PEAK1: variants seen among roughly 807,000 people sequenced by gnomAD.
PEAK1 encodes pseudopodium enriched atypical kinase 1.
PEAK1 carries 54 observed loss-of-function variants against 124.7 expected under a neutral mutation model. The ratio of observed to expected loss-of-function variants is 0.43; its 90% CI spans 0.35 to 0.54. PEAK1 has a LOEUF of 0.54. Among genes scored for constraint, PEAK1 ranks in the 20% least tolerant of loss-of-function variants. The pLI is 0.01. For missense variants in PEAK1, 2,046 were observed against 2,134.5 expected (o/e 0.96, Z 0.82); for synonymous variants, 719 against 760.0 (o/e 0.95, Z 0.89).
chr15:77,225,666 T>TTTTATATATA (rs1555448932), intron 6 of PEAK1, among the ~76,000 whole-genome samples: 12 of 87,984 alleles, frequency 1.4e-4, no homozygotes, highest in African/African-American at 3.9e-4. Context: ...TGTGTATAAT[T>TTTTATATATA]TATATATATA....
intron 2 of PEAK1, among the ~76,000 whole-genome samples, chr15:77,307,708 T>C (rs533525351): frequency 6.6e-6 from 1 of 152,016 alleles, no homozygotes; most frequent in Non-Finnish European, 1.5e-5. Context: ...ATAGAGTAAA[T>C]TGGATTATGC....
In PEAK1 at chr15:77,141,355, C is replaced by T. The variant is rs137968688; in HGVS notation, c.3332-7605G>A. ...TAACAAAACTAGTGTAAGACTTGTACTTTGAAAACTATAAAACATCGCTGA... is the reference window on the plus strand; with the variant it reads ...TAACAAAACTAGTGTAAGACTTGTATTTTGAAAACTATAAAACATCGCTGA... On this transcript the variant is annotated intron_variant, in intron 8 of 9. Coordinates refer to ENST00000682557, the MANE Select transcript of PEAK1 (RefSeq NM_001385026.1). Among the ~76,000 whole-genome samples, 30 of 152,240 alleles carry T rather than the reference C, an allele frequency of 2.0e-4. 1 individual carries two copies. The highest frequency in any genetic ancestry group is 7.2e-4 in the African/African-American group (30 of 41,546).
At chr15:77,246,348 C>T (rs949876074) in intron 6 of PEAK1, among the ~76,000 whole-genome samples, 14 of 151,156 alleles carry the variant, frequency 9.3e-5, no homozygotes, top group Non-Finnish European at 1.8e-4. Flanking sequence ...ATCTATAGAA[C>T]AATTTGAGAG....
At chr15:77,336,279 C>G in intron 2 of PEAK1, 3 of 985,392 alleles carry the variant, frequency 3.0e-6, no homozygotes, top group Non-Finnish European at 3.6e-6. Context: ...TCTTGCAGAA[C>G]TAAACTGTCC....
At chr15:77,144,899 T>C (rs1231382190) in intron 8 of PEAK1, among the ~76,000 whole-genome samples, 1 of 152,236 alleles carries the variant, frequency 6.6e-6, no homozygotes, top group African/African-American at 2.4e-5. Context: ...CTTTTAATCC[T>C]GTACATTCCT....
intron 6 of PEAK1, among the ~76,000 whole-genome samples, chr15:77,235,607 C>T (rs1266489596): frequency 6.6e-6 from 1 of 152,188 alleles, no homozygotes; most frequent in Non-Finnish European, 1.5e-5. Flanking sequence ...ATAGGAAAGA[C>T]AAACCCATTT....
intron 2 of PEAK1, chr15:77,335,356 A>T: frequency 1.0e-6 from 1 of 985,354 alleles, no homozygotes; most frequent in Non-Finnish European, 1.2e-6. Context: ...TGTTTTTCCC[A>T]TTCATCTATG....
chr15:77,291,512 C>A (rs573674651), intron 2 of PEAK1, among the ~76,000 whole-genome samples: 1 of 152,248 alleles, frequency 6.6e-6, no homozygotes, highest in Non-Finnish European at 1.5e-5. Context: ...TGCTGACAAC[C>A]ACATTATGCT....
intron 2 of PEAK1, among the ~76,000 whole-genome samples, chr15:77,296,757 G>A (rs1041726211): frequency 1.3e-5 from 2 of 151,712 alleles, no homozygotes; most frequent in African/African-American, 4.9e-5. Flanking sequence ...CTATGATCTA[G>A]GATTGTTCTT....
At chr15:77,196,309 G>C (rs2058100338) in intron 6 of PEAK1, among the ~76,000 whole-genome samples, 2 of 152,148 alleles carry the variant, frequency 1.3e-5, no homozygotes, top group African/African-American at 4.8e-5. Flanking sequence ...TGGAGAGAAA[G>C]GTATATAATA....
At chr15:77,394,367 C>G (rs944340584) in intron 1 of PEAK1, among the ~76,000 whole-genome samples, 22 of 152,232 alleles carry the variant, frequency 1.4e-4, no homozygotes, top group African/African-American at 4.3e-4. Context: ...AGCACAGTCC[C>G]AGTAATGGTG....
chr15:77,130,255 G>T (rs1387881944), intron 9 of PEAK1, among the ~76,000 whole-genome samples: 1 of 152,110 alleles, frequency 6.6e-6, no homozygotes, highest in Non-Finnish European at 1.5e-5. Flanking sequence ...TCCTGCATTG[G>T]TGATTTTGCA....
intron 6 of PEAK1, among the ~76,000 whole-genome samples, chr15:77,205,424 T>C (rs576327204): frequency 6.6e-6 from 1 of 152,306 alleles, no homozygotes; most frequent in African/African-American, 2.4e-5. Flanking sequence ...TATAGTTATA[T>C]CCTATAATAC....
At chr15:77,273,840 A>G (rs1022666218) in intron 5 of PEAK1, among the ~76,000 whole-genome samples, 3 of 152,178 alleles carry the variant, frequency 2.0e-5, no homozygotes, top group Non-Finnish European at 4.4e-5. Flanking sequence ...AAGCAAAAAG[A>G]ACAAATTTGG....
rs2050822803 is a variant in PEAK1 at position 77,108,797 on chromosome 15, A to C, written c.*5359T>G. ...TTCCCTGAAACTTTCTTGATTTAAA[A>C]AACAAAACCAAACCAAACCAAACCA... On this transcript the variant is annotated 3_prime_UTR_variant, in exon 10 of 10. Coordinates refer to ENST00000682557, the MANE Select transcript of PEAK1 (RefSeq NM_001385026.1). 2 of 152,156 alleles carry C rather than the reference A, an allele frequency of 1.3e-5. No individual in the cohort carries two copies. Among genetic ancestry groups the C allele is most frequent in the African/African-American group, 4.8e-5 (2 of 41,412 alleles). 9.4% of individuals were successfully genotyped at this position (152,156 alleles called of 1,614,324 possible).
rs759282215 is a variant in PEAK1, at chr15:77,180,027, C to T, written c.1900G>A (p.Ala634Thr). 9 of 1,613,908 alleles carry T rather than the reference C, an allele frequency of 5.6e-6. No homozygotes were observed. In the Admixed American group the frequency reaches 8.3e-5, roughly 15 times the overall value. The change falls in exon 7 of 10, where the codon GCA becomes ACA. Residue 634 changes from alanine (A) to threonine (T), a missense_variant. Physicochemically the swap from Ala to Thr is moderately conservative, Grantham distance 58 (BLOSUM62 0). Coordinates refer to ENST00000682557, the MANE Select transcript of PEAK1 (RefSeq NM_001385026.1). ...TTGTAGATAGCTAGATTGTCATATG[C>T]ATTTGGATTGATAACAATGGGAACT... ...IKVPIVINPNAYDNLAIYKSF... is the reference protein window; with the variant it reads ...IKVPIVINPNTYDNLAIYKSF...
rs376318332 is a variant in PEAK1, at chr15:77,331,773, G to A, written c.-603+33390C>T. Among the ~76,000 whole-genome samples, 81 of 151,446 alleles carry A rather than the reference G, an allele frequency of 5.3e-4. No individual in the cohort carries two copies. The East Asian group carries it at 0.014, about 26-fold the overall frequency. The stretch of plus-strand genomic sequence containing the variant: ...CGTGGGACTACAGGCTCGTGCCACC[G>A]CGCCCAGCTAATTTTTGTATTTTTA... On this transcript the variant is annotated intron_variant, in intron 2 of 9. Transcript: ENST00000682557.
chr15:77,180,455 C>T lies in PEAK1; in HGVS notation c.1472G>A (p.Gly491Asp), dbSNP rs1417768372. Residue 491 changes from glycine to aspartate, a missense_variant, in exon 7 of 10, where the codon GGC becomes GAC. Physicochemically the swap from Gly to Asp is moderately conservative, Grantham distance 94. Coordinates refer to ENST00000682557, the MANE Select transcript of PEAK1 (RefSeq NM_001385026.1). ...TTTTGTCTTGGGGCTGTTAACAGGG[C>T]CCTCGAGGTGCTCACTGGCCATGGC... ...SAAMASEHLE[G>D]PVNSPKTKSS... 1 of 1,614,024 alleles carries T rather than the reference C, an allele frequency of 6.2e-7. No individual in the cohort carries two copies. The highest frequency in any genetic ancestry group is 1.1e-5 in the South Asian group (1 of 91,066).
chr15:77,159,394 A>G (rs1320414244), intron 7 of PEAK1, among the ~76,000 whole-genome samples: 3 of 152,132 alleles, frequency 2.0e-5, no homozygotes, highest in Non-Finnish European at 4.4e-5. Flanking sequence ...TATATGACCA[A>G]TCTTGTTTTA....
Sources: gnomAD v4.1 joint callset for allele counts (sites outside exome capture counted in the v4.1 genomes callset) on GRCh38, gnomAD v4.1.1 for gene constraint, MANE v1.5 for transcripts, NCBI Gene and HGNC (gene_info 2026-07-23, HGNC 2026-07-21) for gene names.